The following ZMIZ1 variants were observed in gnomAD, a reference collection of about 807,000 sequenced individuals.
ZMIZ1 encodes zinc finger MIZ-type containing 1.
A neutral mutation model predicts 113.9 loss-of-function variants in ZMIZ1; 17 were observed. The observed-to-expected ratio is 0.15, with a 90% confidence interval of 0.10 to 0.22. ZMIZ1 has a LOEUF of 0.22. Among genes scored for constraint, ZMIZ1 ranks in the 10% least tolerant of loss-of-function variants. The probability of loss-of-function intolerance (pLI) is 1.00; values close to 1 mark genes in which losing one functional copy is unlikely to be tolerated. For synonymous variants in ZMIZ1, 607 were observed against 603.1 expected, an observed-to-expected ratio of 1.01 and a Z score of -0.09; for missense variants, 1,059 against 1,477.8, an observed-to-expected ratio of 0.72 and a Z score of 4.65.
chr10:79,155,722 G>T (rs1845879797), intron 3 of ZMIZ1, among the ~76,000 whole-genome samples: 1 of 152,246 alleles, frequency 6.6e-6, no homozygotes, highest in African/African-American at 2.4e-5. Flanking sequence ...AGGCCCCCAG[G>T]GATGTGTGCA....
chr10:79,178,907 G>C (rs1468269901), intron 4 of ZMIZ1, among the ~76,000 whole-genome samples: 1 of 152,204 alleles, frequency 6.6e-6, no homozygotes, highest in Non-Finnish European at 1.5e-5. Context: ...GCTCTCCCAA[G>C]CCAGGGCCGC....
At chr10:79,215,123 G>A (rs75496933) in intron 6 of ZMIZ1, among the ~76,000 whole-genome samples, 4,652 of 152,270 alleles carry the variant, frequency 0.031, 141 homozygotes, top group African/African-American at 0.075. Flanking sequence ...TGGGGCTTAA[G>A]GCTAGAGACA....
At chr10:79,141,649 C>T (rs1845276922) in intron 3 of ZMIZ1, among the ~76,000 whole-genome samples, 1 of 152,178 alleles carries the variant, frequency 6.6e-6, no homozygotes, top group African/African-American at 2.4e-5. Flanking sequence ...CTTAAGTGAT[C>T]CACCTGCCTC....
intron 8 of ZMIZ1, among the ~76,000 whole-genome samples, chr10:79,288,236 C>G (rs1056299784): frequency 1.6e-4 from 24 of 152,212 alleles, no homozygotes; most frequent in Non-Finnish European, 2.6e-4. Flanking sequence ...CCCTGATCTC[C>G]GCTGCCTGCG....
chr10:79,252,753 A>G (rs1282290215), intron 7 of ZMIZ1, among the ~76,000 whole-genome samples: 1 of 152,108 alleles, frequency 6.6e-6, no homozygotes, highest in Non-Finnish European at 1.5e-5. Flanking sequence ...GGGACCCTGG[A>G]TGCACGCCCC....
intron 7 of ZMIZ1, among the ~76,000 whole-genome samples, chr10:79,225,727 C>T (rs1340894382): frequency 6.6e-6 from 1 of 152,150 alleles, no homozygotes. Flanking sequence ...CCCACTGGGA[C>T]CTGTGACTAC....
chr10:79,093,289 TTTTATTTA>T (rs367815803), intron 1 of ZMIZ1, among the ~76,000 whole-genome samples: 20,189 of 139,876 alleles, frequency 0.14, 1,580 homozygotes, highest in East Asian at 0.26. Context: ...CCCAGTTTTA[TTTTATTTA>T]TTTATTTATT....
At chr10:79,275,050 C>A (rs1299859138) in intron 7 of ZMIZ1, among the ~76,000 whole-genome samples, 2 of 152,244 alleles carry the variant, frequency 1.3e-5, no homozygotes, top group African/African-American at 2.4e-5. Context: ...CAGCGGGCCT[C>A]GTGCTTGGCG....
chr10:79,093,047 G>A (rs767822826), intron 1 of ZMIZ1, among the ~76,000 whole-genome samples: 7 of 151,066 alleles, frequency 4.6e-5, no homozygotes, highest in Non-Finnish European at 1.0e-4. Flanking sequence ...GGAAACTGAG[G>A]TACAGAGAGT....
At chr10:79,279,842 A>G (rs1343851625) in intron 8 of ZMIZ1, among the ~76,000 whole-genome samples, 2 of 152,178 alleles carry the variant, frequency 1.3e-5, no homozygotes, top group Non-Finnish European at 2.9e-5. Context: ...CGCGCCTGCA[A>G]TCCCAGGCAC....
In ZMIZ1 at chr10:79,152,335, C is replaced by T. The variant is rs553435023; in HGVS notation, c.-130-9718C>T. ...GCAACATGGCAAAACCCTGTCTCTA[C>T]AAAAAATATAAAAAATTAGCTGGGT... On this transcript the variant is annotated intron_variant, in intron 3 of 24. Coordinates refer to ENST00000334512, the MANE Select transcript of ZMIZ1 (RefSeq NM_020338.4). Among the ~76,000 whole-genome samples, 12 of 152,178 alleles carry T rather than the reference C, an allele frequency of 7.9e-5. No individual in the cohort carries two copies. The South Asian group carries it at 2.3e-3, about 29-fold the overall frequency.
chr10:79,200,276 G>A (rs377339189), intron 4 of ZMIZ1, among the ~76,000 whole-genome samples: 5 of 152,284 alleles, frequency 3.3e-5, no homozygotes, highest in Admixed American at 3.3e-4. Context: ...AACTGGCAGC[G>A]GGCAGTCTTC....
rs564016282 is a variant in ZMIZ1 at position 79,312,843 on chromosome 10, C to T, written c.*94C>T. On this transcript the variant is annotated 3_prime_UTR_variant, in exon 25 of 25. Coordinates refer to ENST00000334512, the MANE Select transcript of ZMIZ1 (RefSeq NM_020338.4). ...CCTGGGAGCCTGTGCCCTCAGACCG[C>T]CCCGCACCAGAGCCACGGGCTGTGG... The T allele has an allele frequency of 7.3e-6, 9 of 1,230,968 alleles. No homozygotes were observed. The highest frequency in any genetic ancestry group is 1.3e-5 in the South Asian group (1 of 77,458). 76.3% of individuals were successfully genotyped at this position (1,230,968 alleles called of 1,614,324 possible). A position where few individuals can be genotyped will look rare whatever the true frequency, so the allele number is the denominator to read the frequency against.
At chr10:79,091,722 G>T (rs1462310328) in intron 1 of ZMIZ1, among the ~76,000 whole-genome samples, 1 of 152,192 alleles carries the variant, frequency 6.6e-6, no homozygotes, top group East Asian at 1.9e-4. Context: ...GCCTGTGGGG[G>T]TGCTGGGGCA....
At chr10:79,123,395 G>C (rs1176998326) in intron 2 of ZMIZ1, among the ~76,000 whole-genome samples, 2 of 152,176 alleles carry the variant, frequency 1.3e-5, no homozygotes, top group African/African-American at 4.8e-5. Flanking sequence ...CTAGTTGGGA[G>C]GGATTCAACG....
chr10:79,198,756 G>A (rs530749049), intron 4 of ZMIZ1, among the ~76,000 whole-genome samples: 18 of 152,300 alleles, frequency 1.2e-4, no homozygotes, highest in South Asian at 2.1e-4. Flanking sequence ...ATTTGGAGCC[G>A]GGCGCAGTCG....
intron 4 of ZMIZ1, among the ~76,000 whole-genome samples, chr10:79,197,627 C>T (rs1564713240): frequency 6.7e-6 from 1 of 148,688 alleles, no homozygotes; most frequent in African/African-American, 2.4e-5. Context: ...CACACACACA[C>T]ACACACACAC....
chr10:79,312,921 G>A lies in ZMIZ1; in HGVS notation c.*172G>A, dbSNP rs1033029669. On this transcript the variant is annotated 3_prime_UTR_variant, in exon 25 of 25. Transcript: ENST00000334512. ...CTCTCAGAACAGAGGGGTAGGGAGG[G>A]TGCACCAGTGCACCAGGAAGGCTGT... 1 of 608,292 alleles carries A rather than the reference G, an allele frequency of 1.6e-6. No homozygotes were observed. 37.7% of individuals were successfully genotyped at this position (608,292 alleles called of 1,614,324 possible).
At chr10:79,196,953 G>T (rs973545750) in intron 4 of ZMIZ1, among the ~76,000 whole-genome samples, 1 of 152,216 alleles carries the variant, frequency 6.6e-6, no homozygotes, top group African/African-American at 2.4e-5. Context: ...TGGAGTGAGG[G>T]AGAGGACGGA....
Sources: gnomAD v4.1 joint callset for allele counts (sites outside exome capture counted in the v4.1 genomes callset) on GRCh38, gnomAD v4.1.1 for gene constraint, MANE v1.5 for transcripts, NCBI Gene and HGNC (gene_info 2026-07-23, HGNC 2026-07-21) for gene names.